The following AGAP3 variants were observed in gnomAD, a reference collection of about 807,000 sequenced individuals.
AGAP3 encodes the protein arf-GAP with GTPase, ANK repeat and PH domain-containing protein 3.
AGAP3 carries 24 observed loss-of-function variants against 96.9 expected under a neutral mutation model. The ratio of observed to expected loss-of-function variants is 0.25; its 90% CI spans 0.18 to 0.35. The LOEUF is 0.35. Ranked by LOEUF, AGAP3 falls within the 10% of genes least tolerant of loss-of-function variation. The probability of loss-of-function intolerance (pLI) is 1.00; values close to 1 mark genes in which losing one functional copy is unlikely to be tolerated. For synonymous variants in AGAP3, 563 were observed against 536.1 expected, an observed-to-expected ratio of 1.05 and a Z score of -0.69; for missense variants, 876 against 1,254.2, an observed-to-expected ratio of 0.70 and a Z score of 4.55.
rs750629570 is a variant in AGAP3 at position 151,138,150 on chromosome 7, C to T, written c.1503C>T (p.Pro501=). 10 of 1,597,708 alleles carry T rather than the reference C, an allele frequency of 6.3e-6. No individual in the cohort carries two copies. The highest frequency in any genetic ancestry group is 8.5e-6 in the Non-Finnish European group (10 of 1,172,510). ...NTQLGGGTGA[P]HSASSASLHS... ...GACCCTTCCCGCCCCCAGGTGCCCCCCACTCGGCCAGCAGCGCATCCCTGC... is the reference window on the plus strand; with the variant it reads ...GACCCTTCCCGCCCCCAGGTGCCCCTCACTCGGCCAGCAGCGCATCCCTGC... The change falls in exon 12 of 18, where the codon CCC becomes CCT. Residue 501 remains proline (P), a synonymous_variant. Transcript: ENST00000397238.
At chr7:151,125,016 C>T (rs1319898096) in intron 9 of AGAP3, among the ~76,000 whole-genome samples, 1 of 152,214 alleles carries the variant, frequency 6.6e-6, no homozygotes. Context: ...CCAGAGGCTT[C>T]CCTGTTCGTT....
chr7:151,129,538 G>A (rs1800318644), intron 10 of AGAP3, among the ~76,000 whole-genome samples: 1 of 152,204 alleles, frequency 6.6e-6, no homozygotes, highest in Non-Finnish European at 1.5e-5. Context: ...ACCATCCTCA[G>A]GCAATGGTCC....
chr7:151,138,014 C>T, intron 11 of AGAP3, 129 bp from the exon 12 acceptor site: 2 of 757,754 alleles, frequency 2.6e-6, no homozygotes, highest in Non-Finnish European at 4.2e-6. Context: ...AGCTGGCCCG[C>T]CACCTGATGA....
chr7:151,129,101 C>T (rs778960239), intron 10 of AGAP3, among the ~76,000 whole-genome samples: 4 of 152,028 alleles, frequency 2.6e-5, no homozygotes, highest in Admixed American at 2.0e-4. Context: ...GGGAGGAGAG[C>T]GAGGGTGGCC....
chr7:151,115,528 C>T, intron 1 of AGAP3: 1 of 1,060,002 alleles, frequency 9.4e-7, no homozygotes, highest in Non-Finnish European at 1.1e-6. Flanking sequence ...CGCACCGCCG[C>T]CGGCCTCTGG....
In AGAP3 at chr7:151,117,129, C is replaced by T; in HGVS notation, c.425C>T (p.Ala142Val). 6.2e-7 allele frequency: 1 copy of T among 1,614,132 alleles called. No individual in the cohort carries two copies. Among genetic ancestry groups the T allele is most frequent in the Non-Finnish European group, 8.5e-7 (1 of 1,179,982 alleles). The part of the protein sequence containing the change: ...IVGNLSSGKS[A>V]LVHRYLTGTY... ...GGGAACCTGTCTAGCGGGAAGTCAG[C>T]CCTGGTGCACCGCTATCTGACGGGG... The change falls in exon 3 of 18, where the codon GCC becomes GTC. Residue 142 changes from alanine to valine, a missense_variant. Around this residue, in one of 8 missense-constraint regions of AGAP3, gnomAD observed 131 missense variants for 304.5 expected, o/e 0.43. Transcript: ENST00000397238.
At position 151,118,623 on chromosome 7, in the gene AGAP3, C is replaced by T. The variant is rs1289255725; in HGVS notation, c.960C>T (p.His320=). The T allele has an allele frequency of 1.2e-6, 2 of 1,613,078 alleles. No individual in the cohort carries two copies. The highest frequency in any genetic ancestry group is 1.7e-6 in the Non-Finnish European group (2 of 1,179,942). ...AVSAASIPAV[H]INQATNGGGS... Reference sequence around the variant, plus strand: ...CCGCCGCCTCCATCCCGGCCGTGCACATCAACCAGGTTCGGCCTGTGCCCC... The same window carrying T: ...CCGCCGCCTCCATCCCGGCCGTGCATATCAACCAGGTTCGGCCTGTGCCCC... Residue 320 remains histidine (H), a synonymous_variant, in exon 7 of 18, where the codon CAC becomes CAT. Transcript: ENST00000397238. The surrounding 1 kb of genome is among the most constrained non-coding windows in gnomAD (Gnocchi z 6.1).
intron 1 of AGAP3, among the ~76,000 whole-genome samples, chr7:151,089,419 C>G (rs950472019): frequency 2.0e-5 from 3 of 151,934 alleles, no homozygotes; most frequent in African/African-American, 7.3e-5. Flanking sequence ...CAGCTGGGAG[C>G]CGGGTCCTGT....
intron 7 of AGAP3, among the ~76,000 whole-genome samples, chr7:151,119,632 C>T (rs1478522295): frequency 6.6e-6 from 1 of 152,242 alleles, no homozygotes; most frequent in Non-Finnish European, 1.5e-5. Context: ...TACCTCCTTC[C>T]AGACCACCTG....
At position 151,128,114 on chromosome 7, in the gene AGAP3, G is replaced by T. The variant is rs373219706; in HGVS notation, c.1222-466G>T. ...CTGCCCTCTTATGGAGCTACCACAGGGGGTGGAAGGCCAGGAACTTAGCAA... is the reference window on the plus strand; with the variant it reads ...CTGCCCTCTTATGGAGCTACCACAGTGGGTGGAAGGCCAGGAACTTAGCAA... On this transcript the variant is annotated intron_variant, in intron 9 of 17. Transcript: ENST00000397238. 3.1e-4 allele frequency among the ~76,000 whole-genome samples: 47 copies of T among 152,260 alleles called. No individual in the cohort carries two copies. In the South Asian group the frequency reaches 7.5e-3, roughly 24 times the overall value.
In AGAP3 at chr7:151,144,264, G is replaced by A. The variant is rs1357667525; in HGVS notation, c.*321G>A. The A allele has an allele frequency of 1.9e-5, 7 of 369,112 alleles. No individual in the cohort carries two copies. The highest frequency in any genetic ancestry group is 1.3e-4 in the Admixed American group (3 of 23,128). The allele number at this position is 369,112 out of a possible 1,614,324, so 22.9% of individuals were successfully genotyped here. A position where few individuals can be genotyped will look rare whatever the true frequency, so the allele number is the denominator to read the frequency against. On this transcript the variant is annotated 3_prime_UTR_variant, in exon 18 of 18. Coordinates refer to ENST00000397238, the MANE Select transcript of AGAP3 (RefSeq NM_031946.7). ...GCCTCCTAGTGCCAGCCCCTCACAC[G>A]CCTTCATCCTGAAACAGGAAGAGGA...
Position 151,118,280 on chromosome 7 carries a change from G to A in AGAP3, c.777G>A (p.Lys259=), listed in dbSNP as rs541391426. ...CCCGCAAGCTCTCCACAGATCTGAA[G>A]CGGTGCACCTACTATGAGACGTGCG... is the stretch of plus-strand genomic sequence containing the variant. ...SRARKLSTDL[K]RCTYYETCAT... The change falls in exon 6 of 18, where the codon AAG becomes AAA. Residue 259 remains lysine (K), a synonymous_variant. Coordinates refer to ENST00000397238, the MANE Select transcript of AGAP3 (RefSeq NM_031946.7). The surrounding 1 kb of genome is among the most constrained non-coding windows in gnomAD (Gnocchi z 6.1). 6.2e-7 allele frequency: 1 copy of A among 1,613,832 alleles called. No homozygotes were observed. Among genetic ancestry groups the A allele is most frequent in the African/African-American group, 1.3e-5 (1 of 75,046 alleles).
intron 1 of AGAP3, among the ~76,000 whole-genome samples, chr7:151,091,061 C>T (rs570672903): frequency 6.6e-6 from 1 of 152,372 alleles, no homozygotes; most frequent in Admixed American, 6.5e-5. Context: ...CGTCCTGTGA[C>T]TTGATCCTGG....
At chr7:151,120,568 G>A in intron 8 of AGAP3, 1 of 1,229,174 alleles carries the variant, frequency 8.1e-7, no homozygotes, top group Non-Finnish European at 1.1e-6. Context: ...GACACAGAGG[G>A]TTAGCTGGCC....
Position 151,128,846 on chromosome 7 carries a change from G to T in AGAP3, c.1326+162G>T, listed in dbSNP as rs75418103. On this transcript the variant is annotated intron_variant, in intron 10 of 17. Coordinates refer to ENST00000397238, the MANE Select transcript of AGAP3 (RefSeq NM_031946.7). ...AAGGAACCTCACACTGGCAGCTTGGGACATGCACAAGACCCGGCTGGCCCC... is the reference window on the plus strand; with the variant it reads ...AAGGAACCTCACACTGGCAGCTTGGTACATGCACAAGACCCGGCTGGCCCC... 9.1e-3 allele frequency among the ~76,000 whole-genome samples: 1,390 copies of T among 152,302 alleles called. 22 individuals carry two copies. Among genetic ancestry groups the T allele is most frequent in the African/African-American group, 0.032 (1,332 of 41,558 alleles).
At chr7:151,117,482 C>T (rs1484852441) in intron 4 of AGAP3, 26 bp downstream of exon 4, 1 of 1,613,862 alleles carries the variant, frequency 6.2e-7, no homozygotes, top group African/African-American at 1.3e-5. Context: ...AGGGTTAGGG[C>T]CCACCGCTGT....
chr7:151,102,148 A>G (rs1798855958), intron 1 of AGAP3, among the ~76,000 whole-genome samples: 1 of 152,220 alleles, frequency 6.6e-6, no homozygotes, highest in African/African-American at 2.4e-5. Context: ...AAAGCAAAGC[A>G]TCTCGACTCA....
At chr7:151,122,911 C>A in intron 8 of AGAP3, 9 of 1,489,774 alleles carry the variant, frequency 6.0e-6, no homozygotes, top group Non-Finnish European at 7.1e-6. Flanking sequence ...CAGAGACCCA[C>A]GGGAACCTTT....
In AGAP3 at chr7:151,143,963, G is replaced by C; in HGVS notation, c.*20G>C. On this transcript the variant is annotated 3_prime_UTR_variant, in exon 18 of 18. Transcript: ENST00000397238. The surrounding 1 kb of genome is among the most constrained non-coding windows in gnomAD (Gnocchi z 5.9). ...CTATAAGGCCCAGGAAGAGGGCAGA[G>C]GGGCCAGAAGGACTCCATGGCCCAA... The C allele has an allele frequency of 6.2e-7, 1 of 1,607,048 alleles. No homozygotes were observed. Among genetic ancestry groups the C allele is most frequent in the Non-Finnish European group, 8.5e-7 (1 of 1,174,416 alleles).
Sources: allele counts gnomAD v4.1 joint callset (sites outside exome capture counted in the v4.1 genomes callset), GRCh38; gene constraint gnomAD v4.1.1; regional missense constraint gnomAD v4.1.1; non-coding constraint Gnocchi (gnomAD v3.1); transcripts MANE v1.5; gene names NCBI Gene and HGNC (gene_info 2026-07-23, HGNC 2026-07-21).